The following PCDH11X variants were observed in gnomAD, a reference collection of about 807,000 sequenced individuals.
PCDH11X encodes the protein protocadherin-11 X-linked.
In PCDH11X, 18 loss-of-function variants were observed where a neutral mutation model predicts 53.3. That is an observed-to-expected ratio of 0.34 (90% CI 0.23 to 0.50). The LOEUF (loss-of-function observed/expected upper bound fraction) is 0.50. Among genes scored for constraint, PCDH11X ranks in the 20% least tolerant of loss-of-function variants. PCDH11X has a pLI of 0.98. For missense variants in PCDH11X, 570 were observed against 1,032.4 expected (o/e 0.55, Z 6.14); for synonymous variants, 279 against 393.3 (o/e 0.71, Z 3.44).
At chrX:92,182,042 A>T (rs2148292825) in intron 6 of PCDH11X, among the ~76,000 whole-genome samples, 1 of 112,148 alleles carries the variant, frequency 8.9e-6, no homozygotes, top group South Asian at 3.7e-4. Context: ...TGGAAAAGCC[A>T]CGGGCACTCA....
chrX:92,005,054 G>A (rs531868977), intron 6 of PCDH11X, among the ~76,000 whole-genome samples: 8 of 111,201 alleles, frequency 7.2e-5, no homozygotes, highest in East Asian at 2.8e-4. Flanking sequence ...GATTACAGGC[G>A]TGAGCCACTG....
intron 7 of PCDH11X, among the ~76,000 whole-genome samples, chrX:92,216,570 G>C (rs912971771): frequency 9.5e-6 from 1 of 105,065 alleles, no homozygotes; most frequent in African/African-American, 3.5e-5. Context: ...CCAAATCTAC[G>C]TCTGATTGGT....
intron 1 of PCDH11X, among the ~76,000 whole-genome samples, chrX:91,783,772 T>G (rs1447460448): frequency 1.8e-5 from 2 of 112,221 alleles, no homozygotes; most frequent in African/African-American, 6.5e-5. Context: ...TTTTGAAGGC[T>G]AATTCTCTCC....
chrX:92,108,009 A>C (rs1371932029), intron 6 of PCDH11X, among the ~76,000 whole-genome samples: 1 of 112,440 alleles, frequency 8.9e-6, no homozygotes, highest in East Asian at 2.8e-4. Context: ...GAAAAAATAT[A>C]GTTCTGATAT....
intron 9 of PCDH11X, among the ~76,000 whole-genome samples, chrX:92,414,152 A>C (rs1469789712): frequency 9.7e-6 from 1 of 102,721 alleles, no homozygotes; most frequent in Non-Finnish European, 2.0e-5. Flanking sequence ...AAGAAAGCCT[A>C]TTGGTGGTTA....
intron 1 of PCDH11X, among the ~76,000 whole-genome samples, chrX:91,790,214 T>C (rs1461393971): frequency 8.9e-6 from 1 of 112,462 alleles, no homozygotes. Context: ...ACTATATTGG[T>C]TGAAACTGTA....
chrX:91,814,322 G>T (rs1156266146), intron 4 of PCDH11X, among the ~76,000 whole-genome samples: 1 of 110,894 alleles, frequency 9.0e-6, no homozygotes, highest in African/African-American at 3.3e-5. Context: ...TCACTGGGAT[G>T]TGTCTTTCTC....
At chrX:92,139,784 T>C (rs1429173430) in intron 6 of PCDH11X, among the ~76,000 whole-genome samples, 3 of 111,296 alleles carry the variant, frequency 2.7e-5, no homozygotes, top group Non-Finnish European at 5.7e-5. Flanking sequence ...GTTTAGGTGG[T>C]ATGATTCAGC....
rs190117413 is a variant in PCDH11X at position 92,235,814 on chromosome X, A to G, written c.3115-27300A>G. ...ACTAAATGATTATTGATCAAACAATAGCTTGCAATGCATCTCAGAGTGGAC... is the reference window on the plus strand; with the variant it reads ...ACTAAATGATTATTGATCAAACAATGGCTTGCAATGCATCTCAGAGTGGAC... On this transcript the variant is annotated intron_variant, in intron 7 of 10. Coordinates refer to ENST00000682573, the MANE Select transcript of PCDH11X (RefSeq NM_032968.5). Among the ~76,000 whole-genome samples, 226 of 111,277 alleles carry G rather than the reference A, an allele frequency of 2.0e-3. 1 individual carries two copies. The highest frequency in any genetic ancestry group is 7.0e-3 in the African/African-American group (216 of 30,735).
chrX:92,359,606 C>G (rs2070298307), intron 8 of PCDH11X, among the ~76,000 whole-genome samples: 1 of 111,337 alleles, frequency 9.0e-6, no homozygotes. Context: ...TTGATTGGCT[C>G]TGCCATTTGA....
At chrX:92,482,655 G>T (rs1041332015) in intron 10 of PCDH11X, among the ~76,000 whole-genome samples, 1 of 110,826 alleles carries the variant, frequency 9.0e-6, no homozygotes, top group Admixed American at 9.6e-5. Context: ...AGGTACCAAT[G>T]TTTAACTTGC....
intron 10 of PCDH11X, among the ~76,000 whole-genome samples, chrX:92,594,885 T>G (rs1925426839): frequency 9.1e-6 from 1 of 109,735 alleles, no homozygotes; most frequent in Non-Finnish European, 1.9e-5. Context: ...ACCTTTTTTT[T>G]TTCTTTTGAG....
intron 6 of PCDH11X, among the ~76,000 whole-genome samples, chrX:92,096,470 GTGTGTA>G (rs1471073166): frequency 1.4e-4 from 15 of 106,704 alleles, no homozygotes; most frequent in South Asian, 1.2e-3. Context: ...GTGTGTGTGT[GTGTGTA>G]TGTACCTGCT....
At chrX:92,319,301 T>C (rs1323332410) in intron 8 of PCDH11X, among the ~76,000 whole-genome samples, 1 of 112,071 alleles carries the variant, frequency 8.9e-6, no homozygotes, top group African/African-American at 3.2e-5. Context: ...ACAGTATATG[T>C]CTTGAGACTG....
chrX:92,619,131 G>A lies in PCDH11X; in HGVS notation c.*191G>A. ...AATTGCAATTTGTTTAATTCAGAAT[G>A]TGTATTTAAAAAGAAAAGGAATTTA... On this transcript the variant is annotated 3_prime_UTR_variant, in exon 11 of 11. Coordinates refer to ENST00000682573, the MANE Select transcript of PCDH11X (RefSeq NM_032968.5). 4.2e-6 allele frequency: 2 copies of A among 476,418 alleles called. No homozygotes were observed. Among genetic ancestry groups the A allele is most frequent in the Non-Finnish European group, 7.0e-6 (2 of 284,045 alleles). The allele number at this position is 476,418 out of a possible 1,213,427, so 39.3% of individuals were successfully genotyped here. A position where few individuals can be genotyped will look rare whatever the true frequency, so the allele number is the denominator to read the frequency against.
intron 6 of PCDH11X, chrX:91,882,784 G>A: frequency 9.6e-7 from 1 of 1,041,895 alleles, no homozygotes; most frequent in Non-Finnish European, 1.3e-6. Flanking sequence ...GTAAAATTCA[G>A]TAACTTTGAC....
chrX:92,534,352 GA>G (rs1045114882), intron 10 of PCDH11X, among the ~76,000 whole-genome samples: 8 of 110,542 alleles, frequency 7.2e-5, no homozygotes, highest in South Asian at 3.9e-4. Context: ...GAAGTTTAGA[GA>G]AAAAAAGGGT....
chrX:92,391,287 T>C (rs1269024310), intron 9 of PCDH11X, among the ~76,000 whole-genome samples: 1 of 109,931 alleles, frequency 9.1e-6, no homozygotes, highest in Non-Finnish European at 1.9e-5. Context: ...TGGGTTACTG[T>C]GGATACTGGA....
At chrX:91,973,880 G>T (rs879243338) in intron 6 of PCDH11X, among the ~76,000 whole-genome samples, 3 of 111,125 alleles carry the variant, frequency 2.7e-5, no homozygotes, top group Non-Finnish European at 3.8e-5. Context: ...CTCCCAAAGT[G>T]CTGGGATTAC....
Sources: gnomAD v4.1 joint callset for allele counts (sites outside exome capture counted in the v4.1 genomes callset) on GRCh38, gnomAD v4.1.1 for gene constraint, MANE v1.5 for transcripts, NCBI Gene and HGNC (gene_info 2026-07-23, HGNC 2026-07-21) for gene names.